SPIRE1: variants seen among roughly 807,000 people sequenced by gnomAD.
SPIRE1 encodes spire type actin nucleation factor 1.
In SPIRE1, 40 loss-of-function variants were observed where a neutral mutation model predicts 94.1. The ratio of observed to expected loss-of-function variants is 0.43; its 90% CI spans 0.33 to 0.55. SPIRE1 has a LOEUF of 0.55. Among genes scored for constraint, SPIRE1 ranks in the 20% least tolerant of loss-of-function variants. The pLI is 0.06. For missense variants in SPIRE1, 838 were observed against 975.2 expected, an observed-to-expected ratio of 0.86 and a Z score of 1.87; for synonymous variants, 376 against 371.7, an observed-to-expected ratio of 1.01 and a Z score of -0.13.
intron 2 of SPIRE1, among the ~76,000 whole-genome samples, chr18:12,564,393 A>G (rs1186901579): frequency 6.6e-6 from 1 of 152,224 alleles, no homozygotes; most frequent in Admixed American, 6.5e-5. Context: ...ATAAGGAGAA[A>G]GACAGTTATG....
rs553291517 is a variant in SPIRE1 at position 12,585,418 on chromosome 18, G to A, written c.373-38514C>T. Among the ~76,000 whole-genome samples, 27 of 152,252 alleles carry A rather than the reference G, an allele frequency of 1.8e-4. No individual in the cohort carries two copies. In the South Asian group the frequency reaches 5.2e-3, roughly 29 times the overall value. On this transcript the variant is annotated intron_variant, in intron 2 of 16. Transcript: ENST00000409402. Reference sequence around the variant, plus strand: ...CAGTGGCAATAATTTAAGAGATGTCGCAATGTCATGTCAAGGCAGTCTCTG... The same window carrying A: ...CAGTGGCAATAATTTAAGAGATGTCACAATGTCATGTCAAGGCAGTCTCTG...
rs1345452411 is a variant in SPIRE1 at position 12,549,436 on chromosome 18, G to GTTTTTT, written c.373-2533_373-2532insAAAAAA. Among the ~76,000 whole-genome samples, 222 of 51,914 alleles carry GTTTTTT rather than the reference G, an allele frequency of 4.3e-3. 5 individuals carry two copies. Among genetic ancestry groups the GTTTTTT allele is most frequent in the Middle Eastern group, 0.029 (2 of 70 alleles). 34.1% of individuals were successfully genotyped at this position (51,914 alleles called of 152,430 possible). A position where few individuals can be genotyped will look rare whatever the true frequency, so the allele number is the denominator to read the frequency against. The stretch of plus-strand genomic sequence containing the variant: ...TTGCTTTTTGTTTGTTTTTGTTATT[G>GTTTTTT]TTGTTTTTTTTTTTTTTTTTTTTTT... On this transcript the variant is annotated intron_variant, in intron 2 of 16. Transcript: ENST00000409402.
At chr18:12,550,921 C>G (rs2035330823) in intron 2 of SPIRE1, among the ~76,000 whole-genome samples, 1 of 152,226 alleles carries the variant, frequency 6.6e-6, no homozygotes, top group Non-Finnish European at 1.5e-5. Flanking sequence ...CCTCCTGCAA[C>G]TGTTTAATTG....
intron 1 of SPIRE1, among the ~76,000 whole-genome samples, chr18:12,654,725 C>T (rs868182169): frequency 6.6e-6 from 1 of 151,130 alleles, no homozygotes; most frequent in Middle Eastern, 3.4e-3. Context: ...TGAATACAAA[C>T]GTTCCTTAAA....
At chr18:12,604,228 G>A (rs143794818) in intron 2 of SPIRE1, among the ~76,000 whole-genome samples, 10 of 152,140 alleles carry the variant, frequency 6.6e-5, no homozygotes, top group Non-Finnish European at 2.9e-5. Flanking sequence ...TATTACTTGC[G>A]ATTGGTGCTC....
intron 2 of SPIRE1, among the ~76,000 whole-genome samples, chr18:12,549,875 C>G (rs1364310217): frequency 6.6e-6 from 1 of 152,142 alleles, no homozygotes; most frequent in African/African-American, 2.4e-5. Context: ...GGCTTCCAAC[C>G]ATAGCAAAGA....
chr18:12,535,355 A>G (rs547519395), intron 4 of SPIRE1, 121 bp downstream of exon 4: 2 of 1,027,848 alleles, frequency 1.9e-6, no homozygotes, highest in Admixed American at 4.6e-5. Flanking sequence ...TCTAAAGGAT[A>G]GTAATAAATC....
At chr18:12,525,431 C>A (rs1598436068) in intron 4 of SPIRE1, among the ~76,000 whole-genome samples, 1 of 151,086 alleles carries the variant, frequency 6.6e-6, no homozygotes, top group African/African-American at 2.4e-5. Context: ...AAAAAACAAA[C>A]CTGCTTGTGT....
chr18:12,464,987 C>T, intron 10 of SPIRE1, 29 bp from the exon 11 acceptor site: 1 of 1,600,108 alleles, frequency 6.2e-7, no homozygotes, highest in East Asian at 2.2e-5. Flanking sequence ...GAGAAATCGA[C>T]TTCTTAGACA....
chr18:12,539,426 ACTGTGAGTCCATTAAAC>A lies in SPIRE1; in HGVS notation c.604-3842_604-3826del, dbSNP rs1474186895. Among the ~76,000 whole-genome samples the A allele has an allele frequency of 2.0e-5, 3 of 152,204 alleles. No individual in the cohort carries two copies. In the East Asian group the frequency reaches 5.8e-4, roughly 29 times the overall value. On this transcript the variant is annotated intron_variant, in intron 3 of 16. Transcript: ENST00000409402. ...TGTGAGGCCTCCTTAGCCACGTGGAACTGTGAGTCCATTAAACCTATTTTTCTTCCCAGTTTTAGGTT... is the reference window on the plus strand; with the variant it reads ...TGTGAGGCCTCCTTAGCCACGTGGAACTATTTTTCTTCCCAGTTTTAGGTT...
chr18:12,626,886 ATTT>A (rs1194431610), intron 2 of SPIRE1, among the ~76,000 whole-genome samples: 120 of 111,892 alleles, frequency 1.1e-3, no homozygotes, highest in South Asian at 2.4e-3. Flanking sequence ...ATATATATAT[ATTT>A]TTTTTTTTTT....
At chr18:12,659,267 AAC>A (rs33929331), upstream of SPIRE1, among the ~76,000 whole-genome samples, 56,847 of 151,922 alleles carry the variant, frequency 0.37, 10,882 homozygotes, top group Non-Finnish European at 0.43. Flanking sequence ...TAGAAACTAC[AAC>A]AGTCTATTTA....
intron 2 of SPIRE1, among the ~76,000 whole-genome samples, chr18:12,548,661 G>C (rs2035243867): frequency 6.6e-6 from 1 of 150,958 alleles, no homozygotes. Context: ...ACCCGGGCTG[G>C]AGTGCAGTGG....
At chr18:12,482,299 C>T (rs371275715) in intron 9 of SPIRE1, among the ~76,000 whole-genome samples, 21 of 152,254 alleles carry the variant, frequency 1.4e-4, no homozygotes, top group African/African-American at 4.1e-4. Context: ...TGTGCCACCA[C>T]GCCCAGCTAA....
intron 2 of SPIRE1, among the ~76,000 whole-genome samples, chr18:12,602,934 T>C (rs1332642355): frequency 6.6e-6 from 1 of 152,202 alleles, no homozygotes; most frequent in Non-Finnish European, 1.5e-5. Flanking sequence ...ACCCATTGAT[T>C]TGTAGGTAAA....
chr18:12,612,499 A>G (rs1006809598), intron 2 of SPIRE1, among the ~76,000 whole-genome samples: 3 of 152,146 alleles, frequency 2.0e-5, no homozygotes, highest in Admixed American at 6.5e-5. Flanking sequence ...ATAGTCTTAC[A>G]TGGCCCTTAA....
At chr18:12,563,767 A>G (rs2035749242) in intron 2 of SPIRE1, among the ~76,000 whole-genome samples, 1 of 152,196 alleles carries the variant, frequency 6.6e-6, no homozygotes, top group African/African-American at 2.4e-5. Context: ...CGAAAAAGAA[A>G]AATTAAAGGA....
At chr18:12,539,241 A>AT (rs2034933690) in intron 3 of SPIRE1, among the ~76,000 whole-genome samples, 1 of 152,162 alleles carries the variant, frequency 6.6e-6, no homozygotes, top group Admixed American at 6.6e-5. Flanking sequence ...AGGTAACTGA[A>AT]TCATGGGGGC....
chr18:12,613,013 T>C (rs11876191), intron 2 of SPIRE1, among the ~76,000 whole-genome samples: 137,177 of 152,210 alleles, frequency 0.9, 62,081 homozygotes, highest in Non-Finnish European at 0.95. Context: ...TAATGTACTA[T>C]AGTTCACTTA....
Sources: gnomAD v4.1 joint callset for allele counts (sites outside exome capture counted in the v4.1 genomes callset) on GRCh38, gnomAD v4.1.1 for gene constraint, MANE v1.5 for transcripts, NCBI Gene and HGNC (gene_info 2026-07-23, HGNC 2026-07-21) for gene names.